The following ZNF749 variants were observed in gnomAD, a reference collection of about 807,000 sequenced individuals.
The protein encoded by ZNF749 is zinc finger protein 749.
Under a neutral mutation model 7.3 loss-of-function variants are expected in ZNF749, and 8 were observed. The observed-to-expected ratio is 1.10, with a 90% confidence interval of 0.64 to 1.98. ZNF749 has a LOEUF of 1.98. Ranked by LOEUF, ZNF749 falls within the 30% of genes most tolerant of loss-of-function variation. The pLI, the probability that ZNF749 is intolerant of heterozygous loss-of-function variation, is 0.00. For synonymous variants in ZNF749, 310 were observed against 322.4 expected (o/e 0.96, Z 0.41); for missense variants, 898 against 932.4 (o/e 0.96, Z 0.48).
chr19:57,441,764 T>C, intron 1 of ZNF749, 121 bp from the exon 2 acceptor site: 1 of 1,192,780 alleles, frequency 8.4e-7, no homozygotes, highest in Non-Finnish European at 1.2e-6. Context: ...GCAAGGGAAA[T>C]GTAAAAACAT....
chr19:57,439,893 A>G lies in ZNF749; in HGVS notation c.16-1992A>G, dbSNP rs895230819. On this transcript the variant is annotated intron_variant, in intron 1 of 2. Coordinates refer to ENST00000334181, the MANE Select transcript of ZNF749 (RefSeq NM_001023561.4). This position sits in a 1 kb window ranked among gnomAD's most constrained non-coding sequence, Gnocchi z 4.3. ...TGTTCAGGAAGGAGACATCCACTACATGATAGCTGAACTGTTGTGAAACTG... is the reference window on the plus strand; with the variant it reads ...TGTTCAGGAAGGAGACATCCACTACGTGATAGCTGAACTGTTGTGAAACTG... 6.6e-6 allele frequency among the ~76,000 whole-genome samples: 1 copy of G among 152,232 alleles called. No homozygotes were observed. Among genetic ancestry groups the G allele is most frequent in the African/African-American group, 2.4e-5 (1 of 41,452 alleles).
chr19:57,445,517 T>G lies in ZNF749; in HGVS notation c.*32T>G. 2 of 1,567,532 alleles carry G rather than the reference T, an allele frequency of 1.3e-6. No homozygotes were observed. Among genetic ancestry groups the G allele is most frequent in the Non-Finnish European group, 1.7e-6 (2 of 1,158,742 alleles). On this transcript the variant is annotated 3_prime_UTR_variant, in exon 3 of 3. Coordinates refer to ENST00000334181, the MANE Select transcript of ZNF749 (RefSeq NM_001023561.4). ...GAATGCAGGAAAGTCACCAAAACTG[T>G]CACCTCATTCAGCACCAAAAGGTTC...
In ZNF749 at chr19:57,443,705, G is replaced by C. The variant is rs1180706076; in HGVS notation, c.557G>C (p.Gly186Ala). ...GWKLYRDTQD[G>A]EAFQGEQNDF... is the part of the protein sequence containing the mutation. Reference sequence around the variant, plus strand: ...AAGCTGTACAGGGATACCCAGGATGGGGAAGCCTTTCAAGGTGAACAGAAT... The same window carrying C: ...AAGCTGTACAGGGATACCCAGGATGCGGAAGCCTTTCAAGGTGAACAGAAT... Residue 186 changes from glycine to alanine, a missense_variant, in exon 3 of 3, where the codon GGG becomes GCG. Physicochemically the swap from Gly to Ala is moderately conservative, Grantham distance 60. Coordinates refer to ENST00000334181, the MANE Select transcript of ZNF749 (RefSeq NM_001023561.4). 5 of 1,613,892 alleles carry C rather than the reference G, an allele frequency of 3.1e-6. No homozygotes were observed. In the Admixed American group the frequency reaches 5.0e-5, roughly 16 times the overall value.
intron 1 of ZNF749, among the ~76,000 whole-genome samples, chr19:57,441,222 CAG>C (rs1461449399): frequency 2.0e-5 from 3 of 151,188 alleles, no homozygotes; most frequent in African/African-American, 7.3e-5. Flanking sequence ...ACTCAGCAAT[CAG>C]TAGCAGTGGG....
chr19:57,445,108 A>G lies in ZNF749; in HGVS notation c.1960A>G (p.Lys654Glu). ...TGGGAAATTTTTTAGAGATAGCTAC[A>G]AACTCATTATTCATCAGAGAGTTCA... is the stretch of plus-strand genomic sequence containing the variant. ...ECGKFFRDSY[K>E]LIIHQRVHTG... Residue 654 changes from lysine to glutamate, a missense_variant, in exon 3 of 3, where the codon AAA becomes GAA. By Grantham distance (56) the Lys-to-Glu change is moderately conservative (BLOSUM62 1). Coordinates refer to ENST00000334181, the MANE Select transcript of ZNF749 (RefSeq NM_001023561.4). The G allele has an allele frequency of 6.2e-7, 1 of 1,613,882 alleles. No individual in the cohort carries two copies. The highest frequency in any genetic ancestry group is 8.5e-7 in the Non-Finnish European group (1 of 1,179,940).
chr19:57,445,088 A>G lies in ZNF749; in HGVS notation c.1940A>G (p.Lys647Arg). The G allele has an allele frequency of 6.2e-7, 1 of 1,613,764 alleles. No individual in the cohort carries two copies. Among genetic ancestry groups the G allele is most frequent in the Non-Finnish European group, 8.5e-7 (1 of 1,179,868 alleles). ...ERPYECSECGKFFRDSYKLII... is the reference protein window; with the variant it reads ...ERPYECSECGRFFRDSYKLII... ...CCTTATGAGTGTAGTGAATGTGGGA[A>G]ATTTTTTAGAGATAGCTACAAACTC... Residue 647 changes from lysine (K) to arginine (R), a missense_variant, in exon 3 of 3, where the codon AAA (lysine) becomes AGA (arginine). Physicochemically the swap from Lys to Arg is conservative, Grantham distance 26. Transcript: ENST00000334181.
upstream of ZNF749, among the ~76,000 whole-genome samples, chr19:57,431,948 G>A (rs1303761546): frequency 1.3e-5 from 2 of 152,092 alleles, no homozygotes; most frequent in Non-Finnish European, 2.9e-5. Flanking sequence ...TCAGCATCCC[G>A]AGTAGCTGGG....
intron 1 of ZNF749, 59 bp from the exon 2 acceptor site, chr19:57,441,826 A>G (rs2088992668): frequency 6.2e-7 from 1 of 1,604,286 alleles, no homozygotes; most frequent in South Asian, 1.1e-5. Flanking sequence ...ATAAATACAG[A>G]TCTAAGGAAA....
intron 1 of ZNF749, among the ~76,000 whole-genome samples, chr19:57,440,563 T>C (rs1396676146): frequency 6.6e-6 from 1 of 151,794 alleles, no homozygotes; most frequent in African/African-American, 2.4e-5. Flanking sequence ...GCAAATAGGG[T>C]TCTGGTGCAC....
rs374149656 is a variant in ZNF749, at chr19:57,443,607, A to G, written c.459A>G (p.Thr153=). ...CTCACGTGGGAGAGAGGAACTTCAC[A>G]TGCACGCAGGGTGGCAAGGATTTTA... is the stretch of plus-strand genomic sequence containing the variant. ...HSAHVGERNF[T]CTQGGKDFTA... Residue 153 remains threonine (T), a synonymous_variant, in exon 3 of 3, where the codon ACA becomes ACG. Coordinates refer to ENST00000334181, the MANE Select transcript of ZNF749 (RefSeq NM_001023561.4). 263 of 1,614,140 alleles carry G rather than the reference A, an allele frequency of 1.6e-4. 1 individual carries two copies. Among genetic ancestry groups the G allele is most frequent in the Non-Finnish European group, 2.1e-4 (251 of 1,180,052 alleles).
chr19:57,444,054 G>T lies in ZNF749; in HGVS notation c.906G>T (p.Gln302His). The T allele has an allele frequency of 6.2e-7, 1 of 1,613,982 alleles. No homozygotes were observed. The change falls in exon 3 of 3, where the codon CAG becomes CAT. Residue 302 changes from glutamine (Q) to histidine (H), a missense_variant. Physicochemically the swap from Gln to His is conservative, Grantham distance 24. Coordinates refer to ENST00000334181, the MANE Select transcript of ZNF749 (RefSeq NM_001023561.4). ...LSRPTPYECT[Q>H]CGKAFLTQAH... The stretch of plus-strand genomic sequence containing the variant: ...GACCAACACCTTATGAATGCACCCA[G>T]TGTGGGAAGGCCTTTCTTACACAGG...
chr19:57,429,120 G>A, the ZNF749 span, among the ~76,000 whole-genome samples: 1 of 152,138 alleles, frequency 6.6e-6, no homozygotes, highest in Admixed American at 6.5e-5. The surrounding 1 kb of genome is among the most constrained non-coding windows in gnomAD (Gnocchi z 4.2). Context: ...CACCTCCTGG[G>A]TTCAAGCGAT....
chr19:57,443,856 C>G lies in ZNF749; in HGVS notation c.708C>G (p.Asn236Lys). Residue 236 changes from asparagine (N) to lysine (K), a missense_variant, in exon 3 of 3, where the codon AAC (asparagine) becomes AAG (lysine). Coordinates refer to ENST00000334181, the MANE Select transcript of ZNF749 (RefSeq NM_001023561.4). ...FSECGELFRY[N>K]SNLIKYQQNH... ...AATGTGGGGAATTGTTTAGGTACAA[C>G]TCCAACCTTATTAAATATCAGCAAA... is the stretch of plus-strand genomic sequence containing the variant. 6.2e-7 allele frequency: 1 copy of G among 1,613,760 alleles called. No homozygotes were observed. The highest frequency in any genetic ancestry group is 8.5e-7 in the Non-Finnish European group (1 of 1,179,694).
At position 57,446,730 on chromosome 19, in the gene ZNF749, A is replaced by G. The variant is rs1377741836; in HGVS notation, c.*1245A>G. 2.6e-5 allele frequency among the ~76,000 whole-genome samples: 4 copies of G among 152,166 alleles called. No individual in the cohort carries two copies. The highest frequency in any genetic ancestry group is 2.6e-4 in the Admixed American group (4 of 15,270). On this transcript the variant is annotated 3_prime_UTR_variant, in exon 3 of 3. Transcript: ENST00000334181. ...AAAGAGTGTACTTACACAAACCTGA[A>G]GGGCACAGCCTATTACGCACCTAGG...
the ZNF749 span, chr19:57,428,608 GTTA>G: frequency 4.6e-5 from 7 of 151,674 alleles, no homozygotes; most frequent in East Asian, 1.9e-4. Flanking sequence ...CTTGGCTACT[GTTA>G]TTATTATTTT....
At chr19:57,438,230 G>A (rs1010532154) in intron 1 of ZNF749, 5 of 395,808 alleles carry the variant, frequency 1.3e-5, no homozygotes, top group Admixed American at 8.8e-5. Flanking sequence ...CAGAAGGAAT[G>A]CTGAAGGCAG....
chr19:57,438,991 T>C (rs2088961425), intron 1 of ZNF749, among the ~76,000 whole-genome samples: 1 of 152,164 alleles, frequency 6.6e-6, no homozygotes, highest in South Asian at 2.1e-4. Flanking sequence ...GGTTGGGGCA[T>C]ACAGGGCATG....
intron 1 of ZNF749, among the ~76,000 whole-genome samples, chr19:57,438,630 C>T (rs1382186774): frequency 6.6e-6 from 1 of 152,108 alleles, no homozygotes; most frequent in Non-Finnish European, 1.5e-5. Context: ...GCATAAGGAC[C>T]CTGCACAGGT....
At chr19:57,433,666 TGGCCAAAAAATA>T (rs1207148576), upstream of ZNF749, among the ~76,000 whole-genome samples, 1 of 151,834 alleles carries the variant, frequency 6.6e-6, no homozygotes, top group African/African-American at 2.4e-5. Flanking sequence ...TGTAACGCTT[TGGCCAAAAAATA>T]GCCCTTTCCT....
Sources: allele counts gnomAD v4.1 joint callset (sites outside exome capture counted in the v4.1 genomes callset), GRCh38; gene constraint gnomAD v4.1.1; non-coding constraint Gnocchi (gnomAD v3.1); transcripts MANE v1.5; gene names NCBI Gene and HGNC (gene_info 2026-07-23, HGNC 2026-07-21).